GRID2: variants seen among roughly 807,000 people sequenced by gnomAD.
GRID2 encodes the protein glutamate receptor ionotropic, delta-2.
A neutral mutation model predicts 114.8 loss-of-function variants in GRID2; 33 were observed. That is an observed-to-expected ratio of 0.29 (90% CI 0.22 to 0.38). The LOEUF is 0.38. GRID2 is among the 10% of genes least tolerant of loss of function. The pLI is 1.00. For missense variants in GRID2, 1,184 were observed against 1,257.7 expected, an observed-to-expected ratio of 0.94 and a Z score of 0.89; for synonymous variants, 505 against 449.9, an observed-to-expected ratio of 1.12 and a Z score of -1.55.
intron 1 of GRID2, among the ~76,000 whole-genome samples, chr4:92,388,839 A>G (rs1390426711): frequency 6.6e-6 from 1 of 152,090 alleles, no homozygotes; most frequent in Non-Finnish European, 1.5e-5. Context: ...AATATTATCT[A>G]ATCACAATGA....
intron 2 of GRID2, among the ~76,000 whole-genome samples, chr4:93,045,149 C>T (rs763612707): frequency 1.3e-5 from 2 of 152,022 alleles, no homozygotes; most frequent in South Asian, 2.1e-4. Context: ...AGTGCAGAAT[C>T]GACTATGTCT....
intron 2 of GRID2, among the ~76,000 whole-genome samples, chr4:92,659,720 A>G (rs1047881241): frequency 1.5e-4 from 23 of 151,470 alleles, no homozygotes; most frequent in African/African-American, 4.8e-4. Context: ...TTGAAGTGTG[A>G]AAGAATAAAT....
intron 2 of GRID2, among the ~76,000 whole-genome samples, chr4:92,931,775 A>G (rs1290487967): frequency 1.3e-5 from 2 of 151,186 alleles, no homozygotes; most frequent in Non-Finnish European, 3.0e-5. Context: ...TATTGCCGTA[A>G]GAATATTTCA....
chr4:93,137,786 G>A (rs1366950155), intron 4 of GRID2, among the ~76,000 whole-genome samples: 1 of 151,952 alleles, frequency 6.6e-6, no homozygotes, highest in Non-Finnish European at 1.5e-5. Context: ...ATCAAAACAT[G>A]TGGGACCACT....
intron 11 of GRID2, among the ~76,000 whole-genome samples, chr4:93,459,364 A>G (rs17020631): frequency 0.086 from 13,025 of 152,036 alleles, 1,160 homozygotes; most frequent in African/African-American, 0.22. Context: ...TGTTGTAGGT[A>G]TGTGGATACA....
intron 8 of GRID2, among the ~76,000 whole-genome samples, chr4:93,259,892 C>T (rs576136829): frequency 6.6e-6 from 1 of 151,684 alleles, no homozygotes; most frequent in African/African-American, 2.4e-5. Context: ...TTTCTACTGC[C>T]TTTGCTATTA....
chr4:93,671,585 AC>A (rs2110067158), intron 14 of GRID2, among the ~76,000 whole-genome samples: 1 of 152,276 alleles, frequency 6.6e-6, no homozygotes, highest in East Asian at 1.9e-4. Context: ...ATTTCTATCT[AC>A]CTCACAGGGA....
At chr4:92,906,481 C>T (rs981613180) in intron 2 of GRID2, among the ~76,000 whole-genome samples, 9 of 137,276 alleles carry the variant, frequency 6.6e-5, no homozygotes, top group Middle Eastern at 3.3e-3. Flanking sequence ...GCCCCTCAGG[C>T]TTATACTTAA....
At chr4:93,456,716 AGAG>A (rs1723234829) in intron 11 of GRID2, among the ~76,000 whole-genome samples, 1 of 152,196 alleles carries the variant, frequency 6.6e-6, no homozygotes, top group Non-Finnish European at 1.5e-5. Flanking sequence ...CATATATTGA[AGAG>A]GAGGATGTTT....
chr4:93,469,720 T>C (rs1724624437), intron 11 of GRID2, among the ~76,000 whole-genome samples: 1 of 152,090 alleles, frequency 6.6e-6, no homozygotes, highest in African/African-American at 2.4e-5. Context: ...ATCTGTAAAC[T>C]CAGCATTATC....
At chr4:93,631,954 C>A (rs1268200151) in intron 14 of GRID2, among the ~76,000 whole-genome samples, 1 of 152,180 alleles carries the variant, frequency 6.6e-6, no homozygotes, top group Non-Finnish European at 1.5e-5. Context: ...ATTTGCATTT[C>A]TCTGATGGCC....
chr4:93,693,251 T>C (rs1337784787), intron 14 of GRID2, among the ~76,000 whole-genome samples: 1 of 152,184 alleles, frequency 6.6e-6, no homozygotes, highest in Non-Finnish European at 1.5e-5. Context: ...AAGACTAGTG[T>C]TGCATTTAGA....
chr4:93,533,847 T>C (rs1010065431), intron 13 of GRID2, among the ~76,000 whole-genome samples: 11 of 152,124 alleles, frequency 7.2e-5, no homozygotes, highest in African/African-American at 2.4e-4. Flanking sequence ...CTTTCAATAT[T>C]GCAATATAAG....
intron 14 of GRID2, among the ~76,000 whole-genome samples, chr4:93,765,813 A>G (rs1733620104): frequency 6.6e-6 from 1 of 151,940 alleles, no homozygotes; most frequent in Admixed American, 6.6e-5. Context: ...ACATGAATTG[A>G]GGGCATTAAA....
At chr4:92,503,886 A>G (rs1723817852) in intron 1 of GRID2, among the ~76,000 whole-genome samples, 1 of 152,130 alleles carries the variant, frequency 6.6e-6, no homozygotes, top group Non-Finnish European at 1.5e-5. Flanking sequence ...AGAGGTATAT[A>G]GTTAATGAAG....
At chr4:93,067,872 T>C (rs1728447314) in intron 2 of GRID2, among the ~76,000 whole-genome samples, 1 of 152,076 alleles carries the variant, frequency 6.6e-6, no homozygotes, top group African/African-American at 2.4e-5. Context: ...TCCAATCATA[T>C]TACAGCATGT....
At chr4:93,594,133 G>C (rs1012673899) in intron 13 of GRID2, among the ~76,000 whole-genome samples, 22 of 152,162 alleles carry the variant, frequency 1.4e-4, no homozygotes, top group Non-Finnish European at 2.6e-4. Context: ...GAGGCACTCT[G>C]CTTTTTAGAG....
intron 14 of GRID2, among the ~76,000 whole-genome samples, chr4:93,702,909 A>G (rs1727636529): frequency 1.3e-5 from 2 of 152,142 alleles, no homozygotes; most frequent in Admixed American, 6.6e-5. Flanking sequence ...ATAAAAATGA[A>G]GCAAGGAGAG....
At chr4:93,538,719 A>C (rs1732355859) in intron 13 of GRID2, among the ~76,000 whole-genome samples, 1 of 151,836 alleles carries the variant, frequency 6.6e-6, no homozygotes, top group African/African-American at 2.4e-5. Flanking sequence ...CAGATAAACC[A>C]AAATTAAGGG....
Sources: allele counts gnomAD v4.1 joint callset (sites outside exome capture counted in the v4.1 genomes callset), GRCh38; gene constraint gnomAD v4.1.1; transcripts MANE v1.5; gene names NCBI Gene and HGNC (gene_info 2026-07-23, HGNC 2026-07-21).